The following PTCHD4 variants were observed in gnomAD, a reference collection of about 807,000 sequenced individuals.
PTCHD4 encodes the protein patched domain containing 4.
A neutral mutation model predicts 58.1 loss-of-function variants in PTCHD4; 33 were observed. That is an observed-to-expected ratio of 0.57 (90% CI 0.43 to 0.76). The LOEUF (loss-of-function observed/expected upper bound fraction) is 0.76. PTCHD4 is among the 30% of genes least tolerant of loss of function. The pLI, the probability that PTCHD4 is intolerant of heterozygous loss-of-function variation, is 0.00. For synonymous variants in PTCHD4, 478 were observed against 409.6 expected (o/e 1.17, Z -2.02); for missense variants, 1,058 against 1,027.1 (o/e 1.03, Z -0.41).
intron 1 of PTCHD4, among the ~76,000 whole-genome samples, chr6:48,109,926 T>G (rs1765828860): frequency 1.3e-5 from 2 of 151,804 alleles, no homozygotes; most frequent in African/African-American, 4.8e-5. Flanking sequence ...AAAATAAAAC[T>G]TAAAAAGAGA....
At chr6:47,934,520 T>C (rs546254851) in intron 4 of PTCHD4, among the ~76,000 whole-genome samples, 82 of 152,322 alleles carry the variant, frequency 5.4e-4, no homozygotes, top group African/African-American at 1.9e-3. Flanking sequence ...TGTAATCTAG[T>C]AGCATAAAAA....
chr6:48,015,482 T>A (rs1282460880), intron 3 of PTCHD4, among the ~76,000 whole-genome samples: 1 of 151,956 alleles, frequency 6.6e-6, no homozygotes, highest in Non-Finnish European at 1.5e-5. Context: ...CAACTATTTT[T>A]TTTAACCTTT....
At position 47,872,254 on chromosome 6, in the gene PTCHD4, T is replaced by C. The variant is rs1763733177; in HGVS notation, c.*6049A>G. Among the ~76,000 whole-genome samples, 1 of 151,704 alleles carries C rather than the reference T, an allele frequency of 6.6e-6. No homozygotes were observed. The highest frequency in any genetic ancestry group is 1.5e-5 in the Non-Finnish European group (1 of 67,758). On this transcript the variant is annotated 3_prime_UTR_variant, in exon 5 of 5. Transcript: ENST00000339488. ...ATACATTTTTATTAAACACCAGTAA[T>C]CTTTCGTCCATGAGAGTGTTTCCTA...
At chr6:48,031,030 G>A (rs1029213190) in intron 3 of PTCHD4, among the ~76,000 whole-genome samples, 3 of 152,034 alleles carry the variant, frequency 2.0e-5, no homozygotes, top group African/African-American at 4.8e-5. Context: ...AACAAAAGGC[G>A]AAACTGACAA....
intron 4 of PTCHD4, among the ~76,000 whole-genome samples, chr6:47,897,498 G>A (rs1436640665): frequency 6.6e-6 from 1 of 152,186 alleles, no homozygotes; most frequent in Non-Finnish European, 1.5e-5. Flanking sequence ...CTGAATTTAT[G>A]AGGCAAACCA....
At chr6:47,914,790 A>G (rs990438522) in intron 4 of PTCHD4, among the ~76,000 whole-genome samples, 4 of 147,382 alleles carry the variant, frequency 2.7e-5, no homozygotes, top group Non-Finnish European at 6.0e-5. Context: ...CTATCTATCT[A>G]TATTTGTACC....
rs144869893 is a variant in PTCHD4, at chr6:47,932,929, G to C, written c.899-52993C>G. ...TTGGTATATGTGAAGACTTGGAGTAGTGCACTGGTACTAAGTTTTTTGTAT... is the reference window on the plus strand; with the variant it reads ...TTGGTATATGTGAAGACTTGGAGTACTGCACTGGTACTAAGTTTTTTGTAT... On this transcript the variant is annotated intron_variant, in intron 4 of 4. Coordinates refer to ENST00000339488, the MANE Select transcript of PTCHD4 (RefSeq NM_001384253.1). 2.6e-3 allele frequency among the ~76,000 whole-genome samples: 399 copies of C among 152,310 alleles called. 3 individuals carry two copies. Among genetic ancestry groups the C allele is most frequent in the South Asian group, 0.014 (70 of 4,830 alleles).
chr6:47,886,567 T>C (rs1033148934), intron 4 of PTCHD4, among the ~76,000 whole-genome samples: 2 of 152,214 alleles, frequency 1.3e-5, no homozygotes, highest in Non-Finnish European at 2.9e-5. Flanking sequence ...TTTGGTTAGC[T>C]ACACTTTCAA....
At position 48,088,859 on chromosome 6, in the gene PTCHD4, C is replaced by A. The variant is rs1056174900; in HGVS notation, c.-969-18933G>T. ...AGGAGTTCGAGACCAGCCTGGCCAACCTGGTAAAACCCTGTCTCTCCTAAA... is the reference window on the plus strand; with the variant it reads ...AGGAGTTCGAGACCAGCCTGGCCAAACTGGTAAAACCCTGTCTCTCCTAAA... On this transcript the variant is annotated intron_variant, in intron 1 of 4. Transcript: ENST00000339488. Among the ~76,000 whole-genome samples, 4 of 152,112 alleles carry A rather than the reference C, an allele frequency of 2.6e-5. No individual in the cohort carries two copies. In the East Asian group the frequency reaches 7.7e-4, roughly 29 times the overall value.
intron 3 of PTCHD4, among the ~76,000 whole-genome samples, chr6:48,022,362 A>G (rs571886954): frequency 7.2e-5 from 11 of 152,142 alleles, no homozygotes; most frequent in African/African-American, 2.6e-4. Context: ...CACTTGCTTA[A>G]GTCCATTTTA....
intron 1 of PTCHD4, among the ~76,000 whole-genome samples, chr6:48,079,015 G>T (rs1048885288): frequency 6.6e-6 from 1 of 151,862 alleles, no homozygotes; most frequent in African/African-American, 2.4e-5. Flanking sequence ...GCTACTGGGA[G>T]GCTGAGGCAG....
intron 1 of PTCHD4, among the ~76,000 whole-genome samples, chr6:48,107,912 C>T (rs1224226912): frequency 1.3e-5 from 2 of 152,196 alleles, no homozygotes; most frequent in South Asian, 2.1e-4. Context: ...TACCATCTCA[C>T]ACCAGTTAGA....
At chr6:48,000,290 C>T (rs1302004707) in intron 4 of PTCHD4, among the ~76,000 whole-genome samples, 1 of 152,124 alleles carries the variant, frequency 6.6e-6, no homozygotes, top group Admixed American at 6.6e-5. Context: ...CTGACCCTGA[C>T]CCGCACAATT....
At chr6:47,954,997 A>G (rs556687846) in intron 4 of PTCHD4, among the ~76,000 whole-genome samples, 5 of 152,312 alleles carry the variant, frequency 3.3e-5, no homozygotes, top group African/African-American at 1.2e-4. Flanking sequence ...CCAAAGTCTC[A>G]GCAAAAACTA....
chr6:48,108,026 T>A (rs1260945878), intron 1 of PTCHD4, among the ~76,000 whole-genome samples: 1 of 152,162 alleles, frequency 6.6e-6, no homozygotes, highest in Non-Finnish European at 1.5e-5. Context: ...GTTCAACCAT[T>A]GTGGAAGTCA....
At chr6:48,024,263 T>G (rs944958793) in intron 3 of PTCHD4, among the ~76,000 whole-genome samples, 5 of 152,154 alleles carry the variant, frequency 3.3e-5, no homozygotes, top group African/African-American at 1.2e-4. Flanking sequence ...AGCAATATTC[T>G]ATCAACCCTC....
rs1261733116 is a variant in PTCHD4 at position 47,863,112 on chromosome 6, G to A, written c.*15191C>T. 6.6e-6 allele frequency among the ~76,000 whole-genome samples: 1 copy of A among 151,860 alleles called. No individual in the cohort carries two copies. The highest frequency in any genetic ancestry group is 2.1e-4 in the South Asian group (1 of 4,826). ...TACTTAACTTTTTACTTAAGAGTTG[G>A]TATTTATCAATATGATTTTTGTGTT... On this transcript the variant is annotated 3_prime_UTR_variant, in exon 5 of 5. Transcript: ENST00000339488.
intron 4 of PTCHD4, among the ~76,000 whole-genome samples, chr6:47,991,241 T>C (rs1221499074): frequency 1.3e-5 from 2 of 152,068 alleles, no homozygotes; most frequent in Non-Finnish European, 2.9e-5. Context: ...TCTAGATATA[T>C]CACAGCGAAA....
intron 1 of PTCHD4, among the ~76,000 whole-genome samples, chr6:48,097,708 G>T (rs552970518): frequency 8.3e-4 from 127 of 152,252 alleles, no homozygotes; most frequent in African/African-American, 3.0e-3. Flanking sequence ...TAGACAAGAA[G>T]ATAGGCCCTT....
Sources: allele counts gnomAD v4.1 joint callset (sites outside exome capture counted in the v4.1 genomes callset), GRCh38; gene constraint gnomAD v4.1.1; transcripts MANE v1.5; gene names NCBI Gene and HGNC (gene_info 2026-07-23, HGNC 2026-07-21).